The following FAM171A1 variants were observed in gnomAD, a reference collection of about 807,000 sequenced individuals.
The protein encoded by FAM171A1 is family with sequence similarity 171 member A1, also known as protein FAM171A1.
In FAM171A1, 23 loss-of-function variants were observed where a neutral mutation model predicts 74.9. That is an observed-to-expected ratio of 0.31 (90% confidence interval 0.22 to 0.44). FAM171A1 has a LOEUF of 0.44. Ranked by LOEUF, FAM171A1 falls within the 20% of genes least tolerant of loss-of-function variation. FAM171A1 has a pLI of 1.00. For synonymous variants in FAM171A1, 527 were observed against 505.7 expected, an observed-to-expected ratio of 1.04 and a Z score of -0.57; for missense variants, 1,162 against 1,159.2, an observed-to-expected ratio of 1.00 and a Z score of -0.03.
At chr10:15,266,542 A>G (rs1834743962) in intron 3 of FAM171A1, among the ~76,000 whole-genome samples, 1 of 151,964 alleles carries the variant, frequency 6.6e-6, no homozygotes, top group Admixed American at 6.6e-5. Context: ...ACTGAGGTAG[A>G]CCAGAACACA....
intron 1 of FAM171A1, among the ~76,000 whole-genome samples, chr10:15,328,975 G>C (rs1427012046): frequency 6.6e-6 from 1 of 152,180 alleles, no homozygotes; most frequent in African/African-American, 2.4e-5. Flanking sequence ...AGAACCTGTG[G>C]CTCAGCGGTT....
intron 5 of FAM171A1, among the ~76,000 whole-genome samples, chr10:15,232,294 T>G (rs1290503595): frequency 2.6e-5 from 4 of 152,070 alleles, no homozygotes; most frequent in Non-Finnish European, 5.9e-5. Context: ...AAATGTCACT[T>G]CTCCAAAGGC....
intron 1 of FAM171A1, among the ~76,000 whole-genome samples, chr10:15,324,564 C>T (rs1475733528): frequency 6.6e-6 from 1 of 152,212 alleles, no homozygotes; most frequent in Non-Finnish European, 1.5e-5. Flanking sequence ...GCCCCGTGCG[C>T]TAGCTGGCCA....
intron 3 of FAM171A1, among the ~76,000 whole-genome samples, chr10:15,269,720 G>C (rs1450081153): frequency 6.6e-6 from 1 of 152,216 alleles, no homozygotes; most frequent in Non-Finnish European, 1.5e-5. Flanking sequence ...GCCCAAACAA[G>C]ATGAACATGC....
chr10:15,231,492 C>A (rs1429163501), intron 5 of FAM171A1, among the ~76,000 whole-genome samples: 1 of 152,080 alleles, frequency 6.6e-6, no homozygotes, highest in Non-Finnish European at 1.5e-5. Context: ...TGTGAGCCAC[C>A]GTGCACAGCC....
chr10:15,340,829 T>C (rs1448725751), intron 1 of FAM171A1, among the ~76,000 whole-genome samples: 1 of 152,150 alleles, frequency 6.6e-6, no homozygotes, highest in Non-Finnish European at 1.5e-5. Context: ...AGCTATCCAG[T>C]GTGCTCTGTG....
chr10:15,310,724 T>G (rs1033636585), intron 1 of FAM171A1, among the ~76,000 whole-genome samples: 8 of 151,878 alleles, frequency 5.3e-5, no homozygotes, highest in Non-Finnish European at 8.8e-5. Flanking sequence ...TAGCCAGGCG[T>G]GGTGGCGCGT....
chr10:15,252,428 G>A (rs900177356), intron 4 of FAM171A1, among the ~76,000 whole-genome samples: 6 of 152,172 alleles, frequency 3.9e-5, no homozygotes, highest in African/African-American at 7.2e-5. Context: ...ATGAACTTGT[G>A]TCATCTTCCA....
chr10:15,353,804 G>C (rs968656043), intron 1 of FAM171A1, among the ~76,000 whole-genome samples: 1 of 152,042 alleles, frequency 6.6e-6, no homozygotes, highest in Admixed American at 6.6e-5. Context: ...TAAAAGTCAG[G>C]AAAGGCCCCA....
At chr10:15,319,779 T>C (rs1182166508) in intron 1 of FAM171A1, among the ~76,000 whole-genome samples, 1 of 152,004 alleles carries the variant, frequency 6.6e-6, no homozygotes, top group Non-Finnish European at 1.5e-5. Flanking sequence ...CGGGTGGAGG[T>C]AGAGGAACCA....
chr10:15,214,905 C>T (rs11594850), intron 7 of FAM171A1, among the ~76,000 whole-genome samples: 6,455 of 152,130 alleles, frequency 0.042, 185 homozygotes, highest in Non-Finnish European at 0.062. Flanking sequence ...GCACCGCAGG[C>T]ACATGCCACC....
chr10:15,283,616 G>C (rs932461000), intron 2 of FAM171A1, among the ~76,000 whole-genome samples: 2 of 152,132 alleles, frequency 1.3e-5, no homozygotes, highest in Non-Finnish European at 2.9e-5. Flanking sequence ...GCAGGGTCTT[G>C]TTCTGTTGCC....
chr10:15,266,606 C>G (rs901110414), intron 3 of FAM171A1, among the ~76,000 whole-genome samples: 2 of 152,048 alleles, frequency 1.3e-5, no homozygotes, highest in Non-Finnish European at 2.9e-5. Context: ...TGGCTCACAC[C>G]TGTAACCCCA....
chr10:15,223,637 G>T (rs1475010068), intron 5 of FAM171A1, among the ~76,000 whole-genome samples: 2 of 152,146 alleles, frequency 1.3e-5, no homozygotes, highest in Non-Finnish European at 2.9e-5. Context: ...GGTGGCTCAT[G>T]CCTGTAATCC....
intron 1 of FAM171A1, among the ~76,000 whole-genome samples, chr10:15,318,179 C>T (rs1249659112): frequency 6.6e-6 from 1 of 152,132 alleles, no homozygotes; most frequent in African/African-American, 2.4e-5. Context: ...TGAAATGTGA[C>T]CAGCAGGAGA....
intron 5 of FAM171A1, among the ~76,000 whole-genome samples, chr10:15,235,301 C>CAAAAAAA (rs1193195866): frequency 2.2e-5 from 1 of 44,560 alleles, no homozygotes; most frequent in African/African-American, 7.5e-5. Context: ...GACTCTGTCT[C>CAAAAAAA]AAAAAAAAAA....
chr10:15,214,068 G>T lies in FAM171A1; in HGVS notation c.1520C>A (p.Ala507Asp). Residue 507 changes from alanine to aspartate, a missense_variant, in exon 8 of 8, where the codon GCC becomes GAC. By Grantham distance (126) the Ala-to-Asp change is moderately radical. Coordinates refer to ENST00000378116, the MANE Select transcript of FAM171A1 (RefSeq NM_001010924.2). The stretch of plus-strand genomic sequence containing the variant: ...AATGGTGAGTTTGCTTCCCGTGGAG[G>T]CTGGACCTTCTCTGTCCTGCTTTTC... ...LFEKQDREGPASTGSKLTIQE... is the reference protein window; with the variant it reads ...LFEKQDREGPDSTGSKLTIQE... 1 of 1,614,218 alleles carries T rather than the reference G, an allele frequency of 6.2e-7. No homozygotes were observed. The highest frequency in any genetic ancestry group is 1.3e-5 in the African/African-American group (1 of 75,066).
rs910493423 is a variant in FAM171A1, at chr10:15,317,110, G to C, written c.98-33005C>G. Reference sequence around the variant, plus strand: ...AGGAAAAAAATATAGGCCTTTCCCAGTCACGGAAACAGGACACAGGGAGGG... The same window carrying C: ...AGGAAAAAAATATAGGCCTTTCCCACTCACGGAAACAGGACACAGGGAGGG... On this transcript the variant is annotated intron_variant, in intron 1 of 7. Transcript: ENST00000378116. Among the ~76,000 whole-genome samples the C allele has an allele frequency of 6.6e-5, 10 of 152,010 alleles. No homozygotes were observed. The South Asian group carries it at 8.3e-4, about 13-fold the overall frequency.
intron 1 of FAM171A1, among the ~76,000 whole-genome samples, chr10:15,361,107 A>G (rs1463441652): frequency 1.3e-5 from 2 of 152,236 alleles, no homozygotes; most frequent in African/African-American, 2.4e-5. Context: ...AAATATGATT[A>G]ATTATAAAGG....
Sources: gnomAD v4.1 joint callset for allele counts (sites outside exome capture counted in the v4.1 genomes callset) on GRCh38, gnomAD v4.1.1 for gene constraint, MANE v1.5 for transcripts, NCBI Gene and HGNC (gene_info 2026-07-23, HGNC 2026-07-21) for gene names.